The following TRPC4AP variants were observed in gnomAD, a reference collection of about 807,000 sequenced individuals.
The protein encoded by TRPC4AP is transient receptor potential cation channel subfamily C member 4 associated protein, also known as short transient receptor potential channel 4-associated protein.
TRPC4AP carries 45 observed loss-of-function variants against 99.0 expected under a neutral mutation model. The ratio of observed to expected loss-of-function variants is 0.45; its 90% CI spans 0.36 to 0.58. The LOEUF (loss-of-function observed/expected upper bound fraction) is 0.58, where lower values mean the gene tolerates loss of function less well. Ranked by LOEUF, TRPC4AP falls within the 20% of genes least tolerant of loss-of-function variation. The pLI is 0.00. For missense variants in TRPC4AP, 879 were observed against 985.3 expected, an observed-to-expected ratio of 0.89 and a Z score of 1.44; for synonymous variants, 408 against 385.8, an observed-to-expected ratio of 1.06 and a Z score of -0.67.
intron 3 of TRPC4AP, among the ~76,000 whole-genome samples, chr20:35,067,828 A>C (rs1468211905): frequency 1.3e-5 from 2 of 152,214 alleles, no homozygotes; most frequent in Admixed American, 6.5e-5. Context: ...CAAAAAGTAT[A>C]CTAGTGTGGG....
chr20:35,048,269 T>A (rs1048272561), intron 6 of TRPC4AP, among the ~76,000 whole-genome samples: 7 of 149,038 alleles, frequency 4.7e-5, no homozygotes, highest in African/African-American at 1.7e-4. Context: ...TGGAGTGCAG[T>A]GACATAATCT....
chr20:35,085,744 T>C (rs2146038774), intron 1 of TRPC4AP, among the ~76,000 whole-genome samples: 1 of 152,312 alleles, frequency 6.6e-6, no homozygotes, highest in South Asian at 2.1e-4. Flanking sequence ...CTTGAAGTAC[T>C]TGTGGTTTAA....
At chr20:35,027,152 T>C (rs6120799) in intron 8 of TRPC4AP, among the ~76,000 whole-genome samples, 28,042 of 152,062 alleles carry the variant, frequency 0.18, 2,681 homozygotes, top group Middle Eastern at 0.34. Flanking sequence ...ATCTTAGTGG[T>C]AGAAGCTTTC....
In TRPC4AP at chr20:35,005,133, C is replaced by T. The variant is rs564266889; in HGVS notation, c.1936+562G>A. 2.6e-5 allele frequency among the ~76,000 whole-genome samples: 4 copies of T among 152,130 alleles called. No individual in the cohort carries two copies. In the South Asian group the frequency reaches 8.3e-4, roughly 32 times the overall value. On this transcript the variant is annotated intron_variant, in intron 16 of 18. Transcript: ENST00000252015. ...TGTGGCTGTTCCCCTGAAACAGACC[C>T]TCTGGGGCAGAAAAAGGAAGCAAAC...
At chr20:35,090,847 G>A (rs1156678145) in intron 1 of TRPC4AP, among the ~76,000 whole-genome samples, 1 of 152,156 alleles carries the variant, frequency 6.6e-6, no homozygotes, top group Non-Finnish European at 1.5e-5. Flanking sequence ...ACCTCTCTGA[G>A]CCTCAGTTTC....
At chr20:35,046,911 C>T (rs2083573107) in intron 6 of TRPC4AP, among the ~76,000 whole-genome samples, 2 of 152,024 alleles carry the variant, frequency 1.3e-5, no homozygotes, top group African/African-American at 4.8e-5. Flanking sequence ...CTGTGATGCC[C>T]AGGCCAGAGC....
chr20:35,018,610 A>AAG (rs2082809448), intron 9 of TRPC4AP, among the ~76,000 whole-genome samples: 1 of 150,622 alleles, frequency 6.6e-6, no homozygotes, highest in Non-Finnish European at 1.5e-5. Flanking sequence ...AAAAGAAAAA[A>AAG]AAAAAAAAAA....
chr20:35,084,919 A>G (rs941569597), intron 1 of TRPC4AP, among the ~76,000 whole-genome samples: 2 of 152,202 alleles, frequency 1.3e-5, no homozygotes, highest in African/African-American at 4.8e-5. Context: ...CATAATGTAA[A>G]TACTTAACAA....
At chr20:35,033,926 A>G in intron 8 of TRPC4AP, among the ~76,000 whole-genome samples, 1 of 14,606 alleles carries the variant, frequency 6.8e-5, no homozygotes, top group East Asian at 2.5e-3. Context: ...CGGGTGGATC[A>G]TGAGGTCAGG....
intron 7 of TRPC4AP, among the ~76,000 whole-genome samples, chr20:35,038,413 C>T (rs6087664): frequency 6.6e-6 from 1 of 151,736 alleles, no homozygotes; most frequent in African/African-American, 2.4e-5. Flanking sequence ...CAACACTTAC[C>T]AATTTCCATT....
At chr20:35,043,825 C>T (rs140825259) in intron 7 of TRPC4AP, among the ~76,000 whole-genome samples, 2 of 152,194 alleles carry the variant, frequency 1.3e-5, no homozygotes, top group East Asian at 1.9e-4. Context: ...CAGTTGACCA[C>T]GGATAACTGA....
intron 9 of TRPC4AP, among the ~76,000 whole-genome samples, chr20:35,020,549 C>T (rs1295753020): frequency 1.3e-5 from 2 of 152,206 alleles, no homozygotes; most frequent in Non-Finnish European, 2.9e-5. Context: ...AGACTTGTGA[C>T]AGTCCAGTGT....
intron 14 of TRPC4AP, among the ~76,000 whole-genome samples, 153 bp from the exon 15 acceptor site, chr20:35,006,728 C>T (rs1053206687): frequency 1.3e-5 from 2 of 152,210 alleles, no homozygotes; most frequent in African/African-American, 4.8e-5. Flanking sequence ...CTGGTGGCTC[C>T]AAGGACAGGA....
At chr20:35,045,376 C>T (rs2083535769) in intron 6 of TRPC4AP, among the ~76,000 whole-genome samples, 1 of 152,158 alleles carries the variant, frequency 6.6e-6, no homozygotes, top group South Asian at 2.1e-4. Context: ...GTTTAATCAT[C>T]TCTCTCTTTT....
intron 1 of TRPC4AP, among the ~76,000 whole-genome samples, chr20:35,088,071 CTT>C (rs1299612680): frequency 6.6e-6 from 1 of 152,192 alleles, no homozygotes; most frequent in African/African-American, 2.4e-5. Flanking sequence ...GAAACAGAAA[CTT>C]AGGATCCGTC....
chr20:35,009,543 G>A (rs954742938), intron 12 of TRPC4AP, among the ~76,000 whole-genome samples: 43 of 152,300 alleles, frequency 2.8e-4, no homozygotes, highest in African/African-American at 8.7e-4. Flanking sequence ...CTACTCGGGC[G>A]GCTGAGGCAG....
Position 35,013,023 on chromosome 20 carries a change from A to T in TRPC4AP, c.1394T>A (p.Phe465Tyr), listed in dbSNP as rs2147277794. 6.2e-7 allele frequency: 1 copy of T among 1,614,114 alleles called. No individual in the cohort carries two copies. Among genetic ancestry groups the T allele is most frequent in the South Asian group, 1.1e-5 (1 of 91,082 alleles). The change falls in exon 11 of 19, where the codon TTC (phenylalanine) becomes TAC (tyrosine). Residue 465 changes from phenylalanine to tyrosine, a missense_variant. This residue lies in a region of TRPC4AP where 603 missense variants were observed against 631.8 expected (regional missense o/e 0.95). Coordinates refer to ENST00000252015, the MANE Select transcript of TRPC4AP (RefSeq NM_015638.3). ...KIQFLRLLQS[F>Y]SDHHENKYLL... ...TTGTACTTACTCGTGGTGGTCACTG[A>T]AGCTCTGAAGAAGCCTCAAAAACTG...
chr20:35,052,631 A>G (rs1405741369), intron 5 of TRPC4AP, among the ~76,000 whole-genome samples: 1 of 152,040 alleles, frequency 6.6e-6, no homozygotes, highest in Non-Finnish European at 1.5e-5. Context: ...AGCTGGGACT[A>G]TAGGCATGTA....
intron 1 of TRPC4AP, among the ~76,000 whole-genome samples, chr20:35,086,808 G>A (rs1396550729): frequency 6.6e-6 from 1 of 151,942 alleles, no homozygotes; most frequent in East Asian, 1.9e-4. Flanking sequence ...GCTGAGGTGG[G>A]TGGATCAAGA....
Sources: allele counts gnomAD v4.1 joint callset (sites outside exome capture counted in the v4.1 genomes callset), GRCh38; gene constraint gnomAD v4.1.1; regional missense constraint gnomAD v4.1.1; transcripts MANE v1.5; gene names NCBI Gene and HGNC (gene_info 2026-07-23, HGNC 2026-07-21).